The following CYRIB variants were observed in gnomAD, a reference collection of about 807,000 sequenced individuals.
CYRIB encodes CYFIP-related Rac1 interactor B.
Under a neutral mutation model 44.2 loss-of-function variants are expected in CYRIB, and 8 were observed. That is an observed-to-expected ratio of 0.18 (90% CI 0.11 to 0.33). The LOEUF (loss-of-function observed/expected upper bound fraction) is 0.33. CYRIB is among the 10% of genes least tolerant of loss of function. CYRIB has a pLI of 1.00. For synonymous variants in CYRIB, 131 were observed against 127.2 expected (o/e 1.03, Z -0.20); for missense variants, 185 against 382.8 (o/e 0.48, Z 4.31).
intron 1 of CYRIB, among the ~76,000 whole-genome samples, chr8:129,995,507 C>T (rs997962067): frequency 6.6e-6 from 1 of 152,214 alleles, no homozygotes; most frequent in South Asian, 2.1e-4. Context: ...ATTCAGCAAA[C>T]TGTCCTAAGA....
intron 1 of CYRIB, among the ~76,000 whole-genome samples, chr8:129,998,654 T>C (rs971913888): frequency 9.2e-5 from 14 of 151,722 alleles, no homozygotes; most frequent in African/African-American, 3.4e-4. Flanking sequence ...TTTTTTTAGA[T>C]GAATTCTTGC....
chr8:130,016,816 G>A (rs2097358042), upstream of CYRIB: 1 of 151,818 alleles, frequency 6.6e-6, no homozygotes, highest in African/African-American at 2.4e-5. Flanking sequence ...GGCCCGGGAC[G>A]GTGGTGACCT....
At chr8:129,914,997 C>A (rs900248893) in intron 1 of CYRIB, among the ~76,000 whole-genome samples, 1 of 152,040 alleles carries the variant, frequency 6.6e-6, no homozygotes, top group South Asian at 2.1e-4. Context: ...TGAAAACATA[C>A]CAGATGGCTA....
At chr8:130,006,614 A>ATATATATATATATATATATATATGTGTG (rs1486190434) in intron 1 of CYRIB, among the ~76,000 whole-genome samples, 2 of 16,602 alleles carry the variant, frequency 1.2e-4, no homozygotes, top group Admixed American at 1.3e-3. Flanking sequence ...ATACATATAT[A>ATATATATATATATATATATATATGTGTG]TGTGTATATA....
rs3077879 is a variant in CYRIB at position 129,965,248 on chromosome 8, C to CTGTGTGTGTG, written c.-243+5685_-243+5694dup. On this transcript the variant is annotated intron_variant, in intron 2 of 14. Coordinates refer to the CYRIB transcript ENST00000401979. Reference sequence around the variant, plus strand: ...GAGATATACAGAATTCCCCCAGACACTGTGTGTGTGTGTGTGTGTGTGTGT... The same window carrying CTGTGTGTGTG: ...GAGATATACAGAATTCCCCCAGACACTGTGTGTGTGTGTGTGTGTGTGTGTGTGTGTGTGT... Among the ~76,000 whole-genome samples, 1,262 of 148,762 alleles carry CTGTGTGTGTG rather than the reference C, an allele frequency of 8.5e-3. 15 individuals are homozygous for CTGTGTGTGTG. Among genetic ancestry groups the CTGTGTGTGTG allele is most frequent in the African/African-American group, 0.03 (1,213 of 40,384 alleles).
At position 129,860,762 on chromosome 8, in the gene CYRIB, A is replaced by G. The variant is rs563724843; in HGVS notation, c.301+1467T>C. Among the ~76,000 whole-genome samples, 9 of 152,298 alleles carry G rather than the reference A, an allele frequency of 5.9e-5. No individual in the cohort carries two copies. In the East Asian group the frequency reaches 1.7e-3, roughly 29 times the overall value. On this transcript the variant is annotated intron_variant, in intron 5 of 11. Coordinates refer to ENST00000519824, the Ensembl canonical transcript of CYRIB. Reference sequence around the variant, plus strand: ...ACATGAAGCAATAAAAACTTATTACAAACTAGAAAGCACAAGTCCTAACTA... The same window carrying G: ...ACATGAAGCAATAAAAACTTATTACGAACTAGAAAGCACAAGTCCTAACTA...
upstream of CYRIB, among the ~76,000 whole-genome samples, chr8:129,940,154 A>T (rs1381116489): frequency 6.6e-6 from 1 of 152,220 alleles, no homozygotes; most frequent in East Asian, 1.9e-4. Flanking sequence ...ACGGAGGTTC[A>T]GAGGTGGCGG....
intron 1 of CYRIB, among the ~76,000 whole-genome samples, chr8:129,918,605 T>C (rs900732048): frequency 6.6e-6 from 1 of 152,196 alleles, no homozygotes; most frequent in Non-Finnish European, 1.5e-5. Flanking sequence ...AAAAATCTTC[T>C]CTGTAGGCCT....
intron 1 of CYRIB, among the ~76,000 whole-genome samples, chr8:129,976,853 T>A (rs77069756): frequency 2.6e-5 from 4 of 152,146 alleles, no homozygotes; most frequent in East Asian, 1.9e-4. Context: ...GGTTTTTTTT[T>A]AATTGAGACA....
At chr8:129,844,765 G>A (rs2038814851) in intron 11 of CYRIB, among the ~76,000 whole-genome samples, 1 of 152,198 alleles carries the variant, frequency 6.6e-6, no homozygotes, top group African/African-American at 2.4e-5. Context: ...TTGTGGAGGT[G>A]TGTAACACTC....
intron 2 of CYRIB, among the ~76,000 whole-genome samples, chr8:129,966,895 A>G (rs2095499003): frequency 6.6e-6 from 1 of 152,020 alleles, no homozygotes; most frequent in Non-Finnish European, 1.5e-5. Context: ...GGGTTTCGCC[A>G]TGTTGCCCAG....
chr8:129,988,865 T>C (rs1380645764), intron 1 of CYRIB, among the ~76,000 whole-genome samples: 1 of 151,722 alleles, frequency 6.6e-6, no homozygotes, highest in African/African-American at 2.4e-5. Context: ...CAAAGAAAAC[T>C]TCTCTCAACG....
At chr8:129,916,017 A>T (rs1323475535) in intron 1 of CYRIB, among the ~76,000 whole-genome samples, 1 of 152,212 alleles carries the variant, frequency 6.6e-6, no homozygotes, top group Non-Finnish European at 1.5e-5. Context: ...AGCTAAAAAT[A>T]AGCTTTATGA....
At chr8:129,977,914 G>T (rs919016525) in intron 1 of CYRIB, among the ~76,000 whole-genome samples, 1 of 151,632 alleles carries the variant, frequency 6.6e-6, no homozygotes, top group African/African-American at 2.4e-5. Context: ...TAATTTTATT[G>T]ATTTATTTAT....
chr8:129,982,325 G>A (rs1326556591), intron 1 of CYRIB, among the ~76,000 whole-genome samples: 1 of 152,210 alleles, frequency 6.6e-6, no homozygotes, highest in Non-Finnish European at 1.5e-5. Flanking sequence ...CAATACCTTA[G>A]CTTGGGCCAC....
At chr8:129,939,350 G>T (rs2093388672) in intron 1 of CYRIB, among the ~76,000 whole-genome samples, 1 of 151,650 alleles carries the variant, frequency 6.6e-6, no homozygotes, top group Non-Finnish European at 1.5e-5. Flanking sequence ...GCGTGGAGGT[G>T]CCAATGGAAG....
chr8:130,003,189 G>C (rs920002397), intron 1 of CYRIB, among the ~76,000 whole-genome samples: 5 of 152,204 alleles, frequency 3.3e-5, no homozygotes, highest in Non-Finnish European at 7.3e-5. Flanking sequence ...CTACACTCCA[G>C]CCTAGTTGAC....
intron 2 of CYRIB, chr8:129,970,430 T>G (rs1457447234): frequency 6.6e-6 from 1 of 151,852 alleles, no homozygotes; most frequent in East Asian, 1.9e-4. Flanking sequence ...TTTTTTTTTT[T>G]TTTTTTTGAG....
intron 1 of CYRIB, among the ~76,000 whole-genome samples, chr8:129,978,039 G>C (rs72720304): frequency 6.6e-6 from 1 of 152,114 alleles, no homozygotes; most frequent in Non-Finnish European, 1.5e-5. Flanking sequence ...CTCCCGAGTA[G>C]CTGGGGTACT....
Sources: allele counts gnomAD v4.1 joint callset (sites outside exome capture counted in the v4.1 genomes callset), GRCh38; gene constraint gnomAD v4.1.1; transcripts MANE v1.5; gene names NCBI Gene and HGNC (gene_info 2026-07-23, HGNC 2026-07-21).